SAMD5: variants seen among roughly 807,000 people sequenced by gnomAD.
SAMD5 encodes the protein sterile alpha motif domain-containing protein 5.
SAMD5 carries 13 observed loss-of-function variants against 11.3 expected under a neutral mutation model. The observed-to-expected ratio is 1.15, with a 90% CI of 0.75 to 1.83. The LOEUF is 1.83. Ranked by LOEUF, SAMD5 falls within the 40% of genes most tolerant of loss-of-function variation. The pLI, the probability that SAMD5 is intolerant of heterozygous loss-of-function variation, is 0.00. For synonymous variants in SAMD5, 129 were observed against 111.3 expected (o/e 1.16, Z -1.00); for missense variants, 255 against 239.1 (o/e 1.07, Z -0.44).
At chr6:147,728,064 A>G (rs1470337854) in intron 1 of SAMD5, among the ~76,000 whole-genome samples, 1 of 152,212 alleles carries the variant, frequency 6.6e-6, no homozygotes, top group African/African-American at 2.4e-5. Flanking sequence ...TTTTAGTATC[A>G]CTGTTTTGTA....
intron 1 of SAMD5, among the ~76,000 whole-genome samples, chr6:147,723,223 T>C (rs886140628): frequency 5.3e-5 from 8 of 152,146 alleles, no homozygotes; most frequent in African/African-American, 1.9e-4. Flanking sequence ...TGTTCCTTTT[T>C]CCCCTTCTCT....
At chr6:147,557,850 G>A (rs1486425076) in intron 1 of SAMD5, among the ~76,000 whole-genome samples, 1 of 152,202 alleles carries the variant, frequency 6.6e-6, no homozygotes, top group East Asian at 1.9e-4. Context: ...CCCTGCCACT[G>A]ATTAGCAGTT....
chr6:147,531,192 A>G (rs1788425884), intron 1 of SAMD5, among the ~76,000 whole-genome samples: 1 of 149,566 alleles, frequency 6.7e-6, no homozygotes, highest in Admixed American at 6.6e-5. Context: ...GAGATGATAG[A>G]GGTTCTTTAG....
At chr6:147,896,634 T>C in the SAMD5 span, among the ~76,000 whole-genome samples, 1 of 151,464 alleles carries the variant, frequency 6.6e-6, no homozygotes, top group Non-Finnish European at 1.5e-5. Flanking sequence ...AGTAACAATA[T>C]TATTTAAACT....
At chr6:147,603,943 T>G (rs1026802435) in intron 1 of SAMD5, among the ~76,000 whole-genome samples, 5 of 152,228 alleles carry the variant, frequency 3.3e-5, no homozygotes, top group African/African-American at 7.2e-5. Context: ...CTCTCTAACA[T>G]TCTTTCTAGA....
the SAMD5 span, among the ~76,000 whole-genome samples, chr6:147,850,263 A>C: frequency 6.6e-6 from 1 of 152,176 alleles, no homozygotes; most frequent in Non-Finnish European, 1.5e-5. Flanking sequence ...TACCAAGACA[A>C]TTTATTATGG....
the SAMD5 span, among the ~76,000 whole-genome samples, chr6:147,917,923 G>C: frequency 1.3e-5 from 2 of 152,160 alleles, no homozygotes; most frequent in African/African-American, 2.4e-5. Context: ...CTATCGCTCT[G>C]TTTGGGTACC....
chr6:147,943,923 T>C, the SAMD5 span, among the ~76,000 whole-genome samples: 174 of 152,270 alleles, frequency 1.1e-3, 1 homozygote, highest in African/African-American at 3.9e-3. Context: ...GGCTCTCTGA[T>C]TGCTGGGAGG....
chr6:147,520,954 C>T (rs1788244579), intron 1 of SAMD5, among the ~76,000 whole-genome samples: 1 of 151,992 alleles, frequency 6.6e-6, no homozygotes, highest in Non-Finnish European at 1.5e-5. Context: ...ATAATAGATC[C>T]CAGAACTTGT....
chr6:147,774,391 G>T, the SAMD5 span, among the ~76,000 whole-genome samples: 1 of 152,252 alleles, frequency 6.6e-6, no homozygotes, highest in African/African-American at 2.4e-5. Context: ...ATAGGGGATT[G>T]GTTCCAAGCG....
chr6:147,681,410 C>G (rs974586783), intron 1 of SAMD5, among the ~76,000 whole-genome samples: 34 of 151,944 alleles, frequency 2.2e-4, no homozygotes, highest in African/African-American at 6.8e-4. Context: ...TCTTCTGTGT[C>G]TCTATTTAAT....
intron 1 of SAMD5, among the ~76,000 whole-genome samples, chr6:147,650,336 G>A (rs1248434944): frequency 6.6e-6 from 1 of 152,150 alleles, no homozygotes; most frequent in Non-Finnish European, 1.5e-5. Flanking sequence ...GTGGAGTTAG[G>A]GTGGCAAAGG....
chr6:147,909,355 G>A, the SAMD5 span, among the ~76,000 whole-genome samples: 1 of 152,160 alleles, frequency 6.6e-6, no homozygotes, highest in Non-Finnish European at 1.5e-5. Context: ...CACTGAAAAT[G>A]AAAACCCATT....
chr6:147,551,526 C>T (rs1788771687), intron 1 of SAMD5, among the ~76,000 whole-genome samples: 1 of 151,648 alleles, frequency 6.6e-6, no homozygotes, highest in South Asian at 2.1e-4. Context: ...TTTTTTTCTA[C>T]CCCCAATCTG....
rs1789105937 is a variant in SAMD5 at position 147,569,692 on chromosome 6, T to G, written c.*5236T>G. 1.0e-6 allele frequency: 1 copy of G among 985,164 alleles called. No homozygotes were observed. The highest frequency in any genetic ancestry group is 1.2e-6 in the Non-Finnish European group (1 of 829,788). The allele number at this position is 985,164 out of a possible 1,614,324, so 61.0% of individuals were successfully genotyped here. ...CCCCAAGCTTGTCAATGTTTAGAGA[T>G]ACTATTCGGGTTGCTAAAGCCATTA... On this transcript the variant is annotated 3_prime_UTR_variant, in exon 2 of 2. Coordinates refer to ENST00000367474, the MANE Select transcript of SAMD5 (RefSeq NM_001030060.3).
At chr6:147,700,456 A>AT (rs1412866305) in intron 1 of SAMD5, among the ~76,000 whole-genome samples, 1 of 152,200 alleles carries the variant, frequency 6.6e-6, no homozygotes, top group South Asian at 2.1e-4. Flanking sequence ...TAAGTTCAGG[A>AT]TTTTTTCCCC....
At chr6:147,559,006 T>C (rs926127968) in intron 1 of SAMD5, among the ~76,000 whole-genome samples, 4 of 152,360 alleles carry the variant, frequency 2.6e-5, no homozygotes, top group African/African-American at 9.6e-5. Flanking sequence ...AGTGGTGACC[T>C]AGCCCCCACT....
chr6:147,758,289 C>G, the SAMD5 span, among the ~76,000 whole-genome samples: 1 of 152,210 alleles, frequency 6.6e-6, no homozygotes, highest in Non-Finnish European at 1.5e-5. Flanking sequence ...AGTTGCAGCA[C>G]TCTACAAAAC....
chr6:147,927,507 T>C, the SAMD5 span, among the ~76,000 whole-genome samples: 4 of 152,210 alleles, frequency 2.6e-5, no homozygotes, highest in Admixed American at 2.6e-4. Context: ...TTTTGCACAG[T>C]GAGTTTGTAT....
Sources: allele counts gnomAD v4.1 joint callset (sites outside exome capture counted in the v4.1 genomes callset), GRCh38; gene constraint gnomAD v4.1.1; transcripts MANE v1.5; gene names NCBI Gene and HGNC (gene_info 2026-07-23, HGNC 2026-07-21).